The following LINGO2 variants were observed in gnomAD, a reference collection of about 807,000 sequenced individuals.
The protein encoded by LINGO2 is leucine-rich repeat and immunoglobulin-like domain-containing nogo receptor-interacting protein 2.
Under a neutral mutation model 30.6 loss-of-function variants are expected in LINGO2, and 14 were observed. That is an observed-to-expected ratio of 0.46 (90% CI 0.30 to 0.72). LINGO2 has a LOEUF of 0.72. Ranked by LOEUF, LINGO2 falls within the 30% of genes least tolerant of loss-of-function variation. The pLI is 0.07. For missense variants in LINGO2, 729 were observed against 751.7 expected (o/e 0.97, Z 0.35); for synonymous variants, 317 against 288.5 (o/e 1.10, Z -1.00).
intron 4 of LINGO2, among the ~76,000 whole-genome samples, chr9:28,109,858 T>C (rs7849087): frequency 0.99 from 150,949 of 152,304 alleles, 74,829 homozygotes; most frequent in Middle Eastern, 1. Context: ...ATCAAGCTAC[T>C]GTTGACTTTA....
At chr9:28,644,691 T>C (rs79435046) in intron 1 of LINGO2, among the ~76,000 whole-genome samples, 9,274 of 152,044 alleles carry the variant, frequency 0.061, 478 homozygotes, top group Admixed American at 0.18. Context: ...AAGGGTATAA[T>C]TGGACTGTTT....
At chr9:28,057,592 CATATATATACACAT>C (rs1563949729) in intron 4 of LINGO2, among the ~76,000 whole-genome samples, 7 of 145,598 alleles carry the variant, frequency 4.8e-5, no homozygotes, top group African/African-American at 1.5e-4. Flanking sequence ...TATGTATATA[CATATATATACACAT>C]ATATGTATAT....
At chr9:28,254,378 CT>C (rs1308369184) in intron 4 of LINGO2, among the ~76,000 whole-genome samples, 2 of 152,002 alleles carry the variant, frequency 1.3e-5, no homozygotes, top group Non-Finnish European at 2.9e-5. Flanking sequence ...AAGGTTGCCC[CT>C]AACCACGCTC....
chr9:28,747,127 T>A, the LINGO2 span, among the ~76,000 whole-genome samples: 1 of 151,780 alleles, frequency 6.6e-6, no homozygotes, highest in Non-Finnish European at 1.5e-5. Context: ...CCCTATCCTG[T>A]ACCCATATAA....
chr9:28,865,596 C>CA, the LINGO2 span, among the ~76,000 whole-genome samples: 18 of 152,282 alleles, frequency 1.2e-4, no homozygotes, highest in African/African-American at 4.1e-4. Flanking sequence ...TCCTGGCTAA[C>CA]ATGGAGAAAC....
At chr9:29,089,560 T>C in the LINGO2 span, among the ~76,000 whole-genome samples, 2,936 of 152,182 alleles carry the variant, frequency 0.019, 24 homozygotes, top group South Asian at 0.053. Context: ...CCAAAGTTTA[T>C]ATACTCTCAT....
the LINGO2 span, among the ~76,000 whole-genome samples, chr9:29,173,358 C>A: frequency 6.6e-6 from 1 of 152,096 alleles, no homozygotes; most frequent in East Asian, 1.9e-4. Flanking sequence ...AGACATGCTT[C>A]CTTTTATACA....
chr9:28,335,400 T>C (rs913231991), intron 3 of LINGO2, among the ~76,000 whole-genome samples: 4 of 152,194 alleles, frequency 2.6e-5, no homozygotes, highest in Admixed American at 2.0e-4. Flanking sequence ...GACATTTCTT[T>C]GTAATCATCT....
At chr9:29,047,401 T>C in the LINGO2 span, among the ~76,000 whole-genome samples, 4 of 152,042 alleles carry the variant, frequency 2.6e-5, no homozygotes, top group African/African-American at 9.7e-5. Context: ...AGTCAAAAAA[T>C]AGCAGTCTAT....
At chr9:29,016,693 C>A in the LINGO2 span, among the ~76,000 whole-genome samples, 1 of 152,104 alleles carries the variant, frequency 6.6e-6, no homozygotes, top group Non-Finnish European at 1.5e-5. Context: ...TCATAAATAG[C>A]CATCAATCTT....
chr9:29,126,792 T>A, the LINGO2 span, among the ~76,000 whole-genome samples: 3 of 152,034 alleles, frequency 2.0e-5, no homozygotes, highest in Non-Finnish European at 4.4e-5. Flanking sequence ...GAGAATAGGA[T>A]CTGGAGGCAA....
chr9:28,712,243 G>T, the LINGO2 span, among the ~76,000 whole-genome samples: 1 of 151,996 alleles, frequency 6.6e-6, no homozygotes. Context: ...AGAAATAAAC[G>T]TTTTTGACCC....
chr9:28,692,303 C>T, the LINGO2 span, among the ~76,000 whole-genome samples: 2 of 151,740 alleles, frequency 1.3e-5, no homozygotes, highest in Admixed American at 6.6e-5. Flanking sequence ...GGTGAAACCC[C>T]GTCTCTACTA....
chr9:28,678,352 C>T, the LINGO2 span, among the ~76,000 whole-genome samples: 3,640 of 152,028 alleles, frequency 0.024, 149 homozygotes, highest in African/African-American at 0.081. Context: ...CTTGCTTAGT[C>T]ATTTCCTTCT....
chr9:28,620,068 G>T (rs1362088605), intron 1 of LINGO2, among the ~76,000 whole-genome samples: 2 of 129,682 alleles, frequency 1.5e-5, no homozygotes. Context: ...TATTTACAAT[G>T]CCCAAAGAGC....
At chr9:28,499,222 A>G (rs1003658039) in intron 1 of LINGO2, among the ~76,000 whole-genome samples, 3 of 152,222 alleles carry the variant, frequency 2.0e-5, no homozygotes, top group African/African-American at 7.2e-5. Context: ...CCTTAGAGTG[A>G]AAGACAGATG....
the LINGO2 span, among the ~76,000 whole-genome samples, chr9:28,781,560 T>C: frequency 3.3e-5 from 5 of 152,176 alleles, no homozygotes; most frequent in Non-Finnish European, 7.3e-5. Context: ...CCATACTCCA[T>C]TGTCTCTCAT....
intron 4 of LINGO2, among the ~76,000 whole-genome samples, chr9:28,226,797 C>T (rs577071273): frequency 3.7e-4 from 57 of 152,212 alleles, no homozygotes; most frequent in Admixed American, 6.5e-4. Context: ...AAAGGTCCTT[C>T]CAGGGCTGAA....
chr9:28,214,238 A>C (rs952113081), intron 4 of LINGO2, among the ~76,000 whole-genome samples: 3 of 151,558 alleles, frequency 2.0e-5, no homozygotes, highest in Non-Finnish European at 3.0e-5. Context: ...CAATGGAACA[A>C]AATTGCTGAT....
Sources: allele counts gnomAD v4.1 joint callset (sites outside exome capture counted in the v4.1 genomes callset), GRCh38; gene constraint gnomAD v4.1.1; transcripts MANE v1.5; gene names NCBI Gene and HGNC (gene_info 2026-07-23, HGNC 2026-07-21).